The following TFAP2D variants were observed in gnomAD, a reference collection of about 807,000 sequenced individuals.
TFAP2D encodes the protein transcription factor AP-2-delta.
Under a neutral mutation model 43.6 loss-of-function variants are expected in TFAP2D, and 9 were observed. The observed-to-expected ratio is 0.21, with a 90% CI of 0.12 to 0.36. TFAP2D has a LOEUF of 0.36. Ranked by LOEUF, TFAP2D falls within the 10% of genes least tolerant of loss-of-function variation. The pLI is 1.00. For synonymous variants in TFAP2D, 256 were observed against 224.9 expected (o/e 1.14, Z -1.24); for missense variants, 513 against 561.4 (o/e 0.91, Z 0.87).
At chr6:50,739,587 C>A (rs1769009247) in intron 5 of TFAP2D, among the ~76,000 whole-genome samples, 1 of 152,076 alleles carries the variant, frequency 6.6e-6, no homozygotes, top group Non-Finnish European at 1.5e-5. Context: ...CAAGTATAGT[C>A]TATTTTATTA....
Position 50,714,104 on chromosome 6 carries a change from CTTTTTTTTTTT to C in TFAP2D, c.39+20_39+30del. On this transcript the variant is annotated intron_variant, in intron 1 of 7. Transcript: ENST00000008391. ...AGTCCACGATGCCGAGGTATTATTA[CTTTTTTTTTTT>C]TTTTTTTTTGAGCGCGCGTGTGTGT... is the stretch of plus-strand genomic sequence containing the variant. The C allele has an allele frequency of 2.1e-6, 3 of 1,398,326 alleles. No individual in the cohort carries two copies. The highest frequency in any genetic ancestry group is 2.8e-5 in the South Asian group (2 of 70,834). 86.6% of individuals were successfully genotyped at this position (1,398,326 alleles called of 1,614,324 possible).
intron 1 of TFAP2D, among the ~76,000 whole-genome samples, 165 bp from the exon 2 acceptor site, chr6:50,714,951 T>C (rs1464702339): frequency 6.6e-6 from 1 of 152,138 alleles, no homozygotes; most frequent in Non-Finnish European, 1.5e-5. Flanking sequence ...GCAAAGGCTC[T>C]CTGGTGAAGA....
chr6:50,757,173 T>C (rs969657227), intron 7 of TFAP2D, among the ~76,000 whole-genome samples: 6 of 150,786 alleles, frequency 4.0e-5, no homozygotes, highest in African/African-American at 1.5e-4. Flanking sequence ...TTCTACTATG[T>C]TAATGGCAGG....
At chr6:50,721,101 C>T (rs897017218) in intron 3 of TFAP2D, among the ~76,000 whole-genome samples, 1 of 152,186 alleles carries the variant, frequency 6.6e-6, no homozygotes, top group Non-Finnish European at 1.5e-5. Context: ...AAAATGTTAG[C>T]TACCTTATCA....
intron 5 of TFAP2D, among the ~76,000 whole-genome samples, chr6:50,742,628 A>G (rs1348529860): frequency 3.5e-5 from 5 of 141,268 alleles, no homozygotes; most frequent in African/African-American, 1.3e-4. Context: ...ATAGATAGAT[A>G]GATGATAGAT....
At chr6:50,724,571 T>C (rs1393857896) in intron 3 of TFAP2D, among the ~76,000 whole-genome samples, 1 of 152,084 alleles carries the variant, frequency 6.6e-6, no homozygotes, top group Non-Finnish European at 1.5e-5. Flanking sequence ...CTGGGTGCGT[T>C]CTGAGACGGG....
intron 6 of TFAP2D, among the ~76,000 whole-genome samples, chr6:50,746,075 T>C (rs1769121487): frequency 6.6e-6 from 1 of 152,162 alleles, no homozygotes; most frequent in African/African-American, 2.4e-5. Context: ...AACCAATTCT[T>C]GTTATCCTCT....
chr6:50,736,118 A>C (rs1010566509), intron 5 of TFAP2D, among the ~76,000 whole-genome samples: 4 of 152,148 alleles, frequency 2.6e-5, no homozygotes, highest in African/African-American at 9.7e-5. Context: ...TAGCTCCTTC[A>C]CTGGCCTTCT....
Position 50,766,963 on chromosome 6 carries a change from C to T in TFAP2D, c.1140-5682C>T, listed in dbSNP as rs150844175. Among the ~76,000 whole-genome samples, 774 of 152,200 alleles carry T rather than the reference C, an allele frequency of 5.1e-3. 12 individuals are homozygous for T. The highest frequency in any genetic ancestry group is 0.017 in the African/African-American group (721 of 41,554). Reference sequence around the variant, plus strand: ...GATTACAGGCGTGAGCCACCGTGCCCGGCCTGCTTTCTTAATTTCTTTCTT... The same window carrying T: ...GATTACAGGCGTGAGCCACCGTGCCTGGCCTGCTTTCTTAATTTCTTTCTT... On this transcript the variant is annotated intron_variant, in intron 7 of 7. Coordinates refer to ENST00000008391, the MANE Select transcript of TFAP2D (RefSeq NM_172238.4).
chr6:50,766,466 A>C (rs1769442533), intron 7 of TFAP2D, among the ~76,000 whole-genome samples: 1 of 152,044 alleles, frequency 6.6e-6, no homozygotes. Context: ...ACATTTAAAA[A>C]AATTAATGCT....
chr6:50,757,689 T>C (rs868716758), intron 7 of TFAP2D, among the ~76,000 whole-genome samples: 2 of 81,668 alleles, frequency 2.4e-5, no homozygotes, highest in Admixed American at 1.9e-4. Context: ...ATATAGAATA[T>C]ATATAATTAT....
At chr6:50,739,178 C>T (rs1581767020) in intron 5 of TFAP2D, among the ~76,000 whole-genome samples, 1 of 152,082 alleles carries the variant, frequency 6.6e-6, no homozygotes, top group Non-Finnish European at 1.5e-5. Context: ...CCCATTAACT[C>T]GTCATTTACA....
chr6:50,744,860 G>GT (rs1022353305), intron 5 of TFAP2D, among the ~76,000 whole-genome samples: 4 of 151,966 alleles, frequency 2.6e-5, no homozygotes, highest in Non-Finnish European at 5.9e-5. Flanking sequence ...TTGTGTTTCT[G>GT]TTTTTTTCCC....
intron 2 of TFAP2D, among the ~76,000 whole-genome samples, chr6:50,716,389 A>G (rs573244145): frequency 6.6e-6 from 1 of 152,178 alleles, no homozygotes; most frequent in East Asian, 1.9e-4. Flanking sequence ...GCACCTCCTT[A>G]AAAAGATAAA....
intron 3 of TFAP2D, among the ~76,000 whole-genome samples, chr6:50,719,846 G>T (rs1275029479): frequency 6.6e-6 from 1 of 152,204 alleles, no homozygotes; most frequent in Admixed American, 6.5e-5. Flanking sequence ...GAATTGGAAG[G>T]TGGGGGAAGG....
intron 5 of TFAP2D, among the ~76,000 whole-genome samples, chr6:50,736,890 C>A (rs140019699): frequency 6.6e-6 from 1 of 152,290 alleles, no homozygotes; most frequent in African/African-American, 2.4e-5. Flanking sequence ...TTTGAATTCT[C>A]TTCTTAGTGT....
At position 50,724,642 on chromosome 6, in the gene TFAP2D, G is replaced by T. The variant is rs931897076; in HGVS notation, c.599-4214G>T. On this transcript the variant is annotated intron_variant, in intron 3 of 7. Coordinates refer to ENST00000008391, the MANE Select transcript of TFAP2D (RefSeq NM_172238.4). ...GATTTAGAGGCTCCAGGGACCCGCGGCTCCTTGGAGACAGCCGCCGCTGTT... is the reference window on the plus strand; with the variant it reads ...GATTTAGAGGCTCCAGGGACCCGCGTCTCCTTGGAGACAGCCGCCGCTGTT... Among the ~76,000 whole-genome samples, 55 of 152,064 alleles carry T rather than the reference G, an allele frequency of 3.6e-4. 1 individual carries two copies. The highest frequency in any genetic ancestry group is 4.1e-4 in the Non-Finnish European group (28 of 68,010).
chr6:50,715,095 T>A (rs751122167), intron 1 of TFAP2D, 21 bp from the exon 2 acceptor site: 4 of 1,602,970 alleles, frequency 2.5e-6, no homozygotes, highest in Non-Finnish European at 3.4e-6. Flanking sequence ...CTGCTCTCCC[T>A]TTTCCCCCTC....
At chr6:50,763,891 T>C (rs1769403635) in intron 7 of TFAP2D, among the ~76,000 whole-genome samples, 1 of 152,100 alleles carries the variant, frequency 6.6e-6, no homozygotes, top group African/African-American at 2.4e-5. Context: ...CGAGAAGCTT[T>C]TTGGGTAATG....
Sources: allele counts gnomAD v4.1 joint callset (sites outside exome capture counted in the v4.1 genomes callset), GRCh38; gene constraint gnomAD v4.1.1; transcripts MANE v1.5; gene names NCBI Gene and HGNC (gene_info 2026-07-23, HGNC 2026-07-21).